The following CASP8 variants were observed in gnomAD, a reference collection of about 807,000 sequenced individuals.
CASP8 encodes the protein caspase 8, also known as caspase-8.
Under a neutral mutation model 46.3 loss-of-function variants are expected in CASP8, and 24 were observed. The ratio of observed to expected loss-of-function variants is 0.52; its 90% CI spans 0.38 to 0.73. The LOEUF is 0.73. CASP8 is among the 30% of genes least tolerant of loss of function. CASP8 has a pLI of 0.00. For synonymous variants in CASP8, 188 were observed against 200.4 expected (o/e 0.94, Z 0.52); for missense variants, 460 against 559.0 (o/e 0.82, Z 1.79).
intron 2 of CASP8, among the ~76,000 whole-genome samples, chr2:201,249,374 A>G (rs1240774670): frequency 6.6e-6 from 1 of 152,198 alleles, no homozygotes; most frequent in East Asian, 1.9e-4. Flanking sequence ...TCAAGTGAGA[A>G]TAGAGTGTGA....
At chr2:201,285,487 T>A (rs1949514203) in intron 8 of CASP8, among the ~76,000 whole-genome samples, 170 bp downstream of exon 8, 1 of 152,224 alleles carries the variant, frequency 6.6e-6, no homozygotes, top group African/African-American at 2.4e-5. Flanking sequence ...CAACTCTAAA[T>A]GTCTAGCTGT....
At chr2:201,276,678 G>GAAAT (rs1416042290) in intron 6 of CASP8, 149 bp from the exon 7 acceptor site, 1 of 947,848 alleles carries the variant, frequency 1.1e-6, no homozygotes, top group African/African-American at 1.6e-5. Flanking sequence ...CTGTGTGAAG[G>GAAAT]AAATAGGTAG....
rs576866828 is a variant in CASP8, at chr2:201,245,054, T to C, written c.-27+10942T>C. Among the ~76,000 whole-genome samples, 10 of 152,258 alleles carry C rather than the reference T, an allele frequency of 6.6e-5. No homozygotes were observed. The South Asian group carries it at 2.1e-3, about 32-fold the overall frequency. ...GTCTACTAAAACACTCAATCATCCC[T>C]GCTGCTTGGAGGCGATAGAGAGCAT... On this transcript the variant is annotated intron_variant, in intron 2 of 6. Coordinates refer to the CASP8 transcript ENST00000264274.
In CASP8 at chr2:201,285,223, G is replaced by A. The variant is rs1280661555; in HGVS notation, c.1210G>A (p.Ala404Thr). ...PDEADFLLGM[A>T]TVNNCVSYRN... ...TGAGGCTGACTTTCTGCTGGGGATG[G>A]CCACTGTGAATAACTGTGTTTCCTA... The change falls in exon 8 of 9, where the codon GCC (alanine) becomes ACC (threonine). Residue 404 changes from alanine (A) to threonine (T), a missense_variant. By Grantham distance (58) the Ala-to-Thr change is moderately conservative (BLOSUM62 0). Coordinates refer to ENST00000673742, the MANE Select transcript of CASP8 (RefSeq NM_001372051.1). 6.2e-7 allele frequency: 1 copy of A among 1,614,188 alleles called. No homozygotes were observed. The highest frequency in any genetic ancestry group is 1.1e-5 in the South Asian group (1 of 91,084).
intron 1 of CASP8, among the ~76,000 whole-genome samples, chr2:201,261,770 G>A (rs1008372879): frequency 2.0e-5 from 3 of 152,282 alleles, no homozygotes; most frequent in East Asian, 1.9e-4. Context: ...CTCAAGCTTC[G>A]GATGAGATGC....
chr2:201,253,293 CTTTT>C lies in CASP8; in HGVS notation c.-26-13141_-26-13138del, dbSNP rs34341476. ...TGTGAGCCACTGCACCTAGCCTGAT[CTTTT>C]TTTTTTTTTTTTTTTTTTTTTTTTT... On this transcript the variant is annotated intron_variant, in intron 2 of 6. Coordinates refer to the CASP8 transcript ENST00000264274. 3.8e-3 allele frequency among the ~76,000 whole-genome samples: 255 copies of C among 67,952 alleles called. 2 individuals carry two copies. The highest frequency in any genetic ancestry group is 0.031 in the Middle Eastern group (2 of 64). 44.6% of individuals were successfully genotyped at this position (67,952 alleles called of 152,430 possible). A position where few individuals can be genotyped will look rare whatever the true frequency, so the allele number is the denominator to read the frequency against.
At position 201,235,827 on chromosome 2, in the gene CASP8, A is replaced by C. The variant is rs996253164; in HGVS notation, c.-27+1715A>C. On this transcript the variant is annotated intron_variant, in intron 2 of 6. Coordinates refer to the CASP8 transcript ENST00000264274. ...CATAAGATTATAATACGGTATTTTTACTGTACCATTTCTATGTTTAGATAT... is the reference window on the plus strand; with the variant it reads ...CATAAGATTATAATACGGTATTTTTCCTGTACCATTTCTATGTTTAGATAT... 2.0e-5 allele frequency among the ~76,000 whole-genome samples: 3 copies of C among 152,210 alleles called. No homozygotes were observed. The South Asian group carries it at 6.2e-4, about 31-fold the overall frequency.
At chr2:201,256,658 T>C (rs892658516), upstream of CASP8, among the ~76,000 whole-genome samples, 6 of 152,200 alleles carry the variant, frequency 3.9e-5, no homozygotes, top group Non-Finnish European at 8.8e-5. Context: ...AGGACTGAGT[T>C]TGACTCCATG....
intron 8 of CASP8, 46 bp downstream of exon 8, chr2:201,285,363 C>G (rs372712049): frequency 1.2e-6 from 2 of 1,602,382 alleles, no homozygotes; most frequent in Non-Finnish European, 1.7e-6. Flanking sequence ...ACTACCTTCC[C>G]CCCCTACTCC....
rs1009119485 is a variant in CASP8, at chr2:201,266,287, G to A, written c.-26-174G>A. ...GCCACCGCGCCCAGCCCATTGGCTT[G>A]TTTGTATGTCTACCTTCCTAAACAG... On this transcript the variant is annotated intron_variant, in intron 1 of 8. Coordinates refer to ENST00000673742, the MANE Select transcript of CASP8 (RefSeq NM_001372051.1). The surrounding 1 kb of genome is among the most constrained non-coding windows in gnomAD (Gnocchi z 5.7). Among the ~76,000 whole-genome samples the A allele has an allele frequency of 6.6e-6, 1 of 152,200 alleles. No homozygotes were observed. Among genetic ancestry groups the A allele is most frequent in the Non-Finnish European group, 1.5e-5 (1 of 68,024 alleles).
upstream of CASP8, chr2:201,258,394 T>C (rs778149977): frequency 5.6e-6 from 9 of 1,614,050 alleles, no homozygotes; most frequent in East Asian, 2.2e-5. Flanking sequence ...TGAGTGCCTG[T>C]TGCCAAGGTG....
intron 7 of CASP8, among the ~76,000 whole-genome samples, chr2:201,277,446 A>G (rs567560024): frequency 6.6e-5 from 10 of 152,212 alleles, no homozygotes; most frequent in Non-Finnish European, 1.2e-4. Context: ...AAATTAAGCT[A>G]AGATCAAGAA....
In CASP8 at chr2:201,266,472, C is replaced by A. The variant is rs758971363; in HGVS notation, c.-15C>A. On this transcript the variant is annotated 5_prime_UTR_variant, in exon 2 of 9. The change creates a new upstream start codon in the 5' untranslated region. Coordinates refer to ENST00000673742, the MANE Select transcript of CASP8 (RefSeq NM_001372051.1). This position sits in a 1 kb window ranked among gnomAD's most constrained non-coding sequence, Gnocchi z 5.7. ...TTATTTTGACTTAGATTATATTCTCCTGCCTTTTAAAAAGATGGACTTCAG... is the reference window on the plus strand; with the variant it reads ...TTATTTTGACTTAGATTATATTCTCATGCCTTTTAAAAAGATGGACTTCAG... 6 of 1,611,648 alleles carry A rather than the reference C, an allele frequency of 3.7e-6. No individual in the cohort carries two copies. The highest frequency in any genetic ancestry group is 5.1e-6 in the Non-Finnish European group (6 of 1,177,870).
chr2:201,282,687 G>A (rs1171049873), intron 7 of CASP8, among the ~76,000 whole-genome samples: 1 of 78,378 alleles, frequency 1.3e-5, no homozygotes, highest in Non-Finnish European at 3.1e-5. Flanking sequence ...CTGGCCGGGC[G>A]GGGGGCTGTT....
chr2:201,248,696 T>C (rs1007508140), intron 2 of CASP8, among the ~76,000 whole-genome samples: 1 of 152,194 alleles, frequency 6.6e-6, no homozygotes, highest in Non-Finnish European at 1.5e-5. Context: ...CTCTCTATCA[T>C]AGCATTTCCT....
At chr2:201,248,967 C>T (rs1475372209) in intron 2 of CASP8, among the ~76,000 whole-genome samples, 1 of 152,212 alleles carries the variant, frequency 6.6e-6, no homozygotes, top group Non-Finnish European at 1.5e-5. Flanking sequence ...TCTTGGCTCA[C>T]TACAACCTCT....
intron 7 of CASP8, among the ~76,000 whole-genome samples, chr2:201,283,379 C>G (rs1949271906): frequency 1.6e-5 from 1 of 62,266 alleles, no homozygotes. Context: ...GACGGGGCGG[C>G]TGGCCAGGCG....
intron 1 of CASP8, among the ~76,000 whole-genome samples, chr2:201,265,847 T>C (rs1039660308): frequency 1.3e-5 from 2 of 152,214 alleles, no homozygotes; most frequent in Admixed American, 6.5e-5. Context: ...AATTGTGCTT[T>C]CTCGCATTCT....
intron 2 of CASP8, among the ~76,000 whole-genome samples, chr2:201,269,817 G>C (rs1038869360): frequency 2.0e-5 from 3 of 152,086 alleles, no homozygotes; most frequent in African/African-American, 7.2e-5. Context: ...AACTATTCAG[G>C]TTCATTACTA....
Sources: gnomAD v4.1 joint callset for allele counts (sites outside exome capture counted in the v4.1 genomes callset) on GRCh38, gnomAD v4.1.1 for gene constraint, Gnocchi (gnomAD v3.1) non-coding constraint, MANE v1.5 for transcripts, NCBI Gene and HGNC (gene_info 2026-07-23, HGNC 2026-07-21) for gene names.